Variants in PKHD1L1 observed in about 807,000 individuals in gnomAD.
PKHD1L1 encodes the protein PKHD1 like 1, also known as fibrocystin-L.
In PKHD1L1, 434 loss-of-function variants were observed where a neutral mutation model predicts 462.9. The ratio of observed to expected loss-of-function variants is 0.94; its 90% CI spans 0.87 to 1.02. The LOEUF (loss-of-function observed/expected upper bound fraction) is 1.02. PKHD1L1 is among the 50% of genes least tolerant of loss of function. The pLI is 0.00. For synonymous variants in PKHD1L1, 1,781 were observed against 1,750.0 expected, an observed-to-expected ratio of 1.02 and a Z score of -0.44; for missense variants, 5,202 against 5,096.1, an observed-to-expected ratio of 1.02 and a Z score of -0.63.
intron 37 of PKHD1L1, 41 bp from the exon 38 acceptor site, chr8:109,444,620 A>G (rs768802705): frequency 6.5e-7 from 1 of 1,547,886 alleles, no homozygotes; most frequent in Admixed American, 1.8e-5. Flanking sequence ...TACTGGAGGT[A>G]TGTATTGACT....
intron 2 of PKHD1L1, among the ~76,000 whole-genome samples, chr8:109,378,922 G>T (rs181288607): frequency 6.6e-6 from 1 of 152,072 alleles, no homozygotes; most frequent in Non-Finnish European, 1.5e-5. Context: ...CTTAACTTCC[G>T]CAAGAGAACA....
chr8:109,365,059 A>G (rs1811163704), intron 2 of PKHD1L1, among the ~76,000 whole-genome samples: 1 of 152,222 alleles, frequency 6.6e-6, no homozygotes, highest in African/African-American at 2.4e-5. Context: ...GCAATAGAAA[A>G]CAAAACTTTA....
At position 109,422,771 on chromosome 8, in the gene PKHD1L1, T is replaced by C. The variant is rs537694805; in HGVS notation, c.2697+2081T>C. ...TATAGGGTTGTATGGTAAGAACATG[T>C]ATAGTTTTTAAAGAAACTACCATAT... On this transcript the variant is annotated intron_variant, in intron 23 of 77. Coordinates refer to ENST00000378402, the MANE Select transcript of PKHD1L1 (RefSeq NM_177531.6). 4.8e-4 allele frequency among the ~76,000 whole-genome samples: 73 copies of C among 152,322 alleles called. No individual in the cohort carries two copies. The South Asian group carries it at 6.8e-3, about 14-fold the overall frequency.
intron 24 of PKHD1L1, among the ~76,000 whole-genome samples, chr8:109,425,975 A>G (rs561359698): frequency 1.3e-5 from 2 of 152,144 alleles, no homozygotes; most frequent in Non-Finnish European, 2.9e-5. Context: ...GGTTCACATT[A>G]TTTATCAGTT....
In PKHD1L1 at chr8:109,454,788, T is replaced by G; in HGVS notation, c.6810T>G (p.Ser2270=). 1 of 1,613,822 alleles carries G rather than the reference T, an allele frequency of 6.2e-7. No individual in the cohort carries two copies. Among genetic ancestry groups the G allele is most frequent in the South Asian group, 1.1e-5 (1 of 91,070 alleles). The change falls in exon 45 of 78, where the codon TCT becomes TCG. Residue 2270 remains serine, a synonymous_variant. Coordinates refer to ENST00000378402, the MANE Select transcript of PKHD1L1 (RefSeq NM_177531.6). ...AVITLHGHLR[S]PELPVYGAKT... ...TTACCTTGCATGGTCACCTGCGATC[T>G]CCTGAGCTCCCTGTCTATGGTGCCA...
chr8:109,461,926 TA>T lies in PKHD1L1; in HGVS notation c.7383+21del. On this transcript the variant is annotated intron_variant, in intron 48 of 77. Transcript: ENST00000378402. Reference sequence around the variant, plus strand: ...ATGTAGAGGTGAGAGGCATTATTACTAAATCACAGTGGTTTGCTCAAGGTTA... The same window carrying T: ...ATGTAGAGGTGAGAGGCATTATTACTAATCACAGTGGTTTGCTCAAGGTTA... The T allele has an allele frequency of 1.9e-6, 3 of 1,584,898 alleles. No homozygotes were observed. The highest frequency in any genetic ancestry group is 2.6e-6 in the Non-Finnish European group (3 of 1,164,316).
chr8:109,372,438 C>T (rs1017296215), intron 2 of PKHD1L1, among the ~76,000 whole-genome samples: 3 of 152,114 alleles, frequency 2.0e-5, no homozygotes, highest in Admixed American at 6.6e-5. Context: ...TATACAATCT[C>T]GTCATCTGCA....
intron 21 of PKHD1L1, among the ~76,000 whole-genome samples, chr8:109,418,234 A>G (rs1386909211): frequency 6.6e-6 from 1 of 151,498 alleles, no homozygotes; most frequent in Admixed American, 6.6e-5. Flanking sequence ...GGCCCTAAGT[A>G]CTTTTTTTTT....
chr8:109,456,520 C>T (rs1816835732), intron 46 of PKHD1L1, 129 bp downstream of exon 46: 3 of 857,126 alleles, frequency 3.5e-6, no homozygotes, highest in Non-Finnish European at 4.9e-6. Flanking sequence ...GAAATATGAA[C>T]AGCCAAATAC....
intron 18 of PKHD1L1, among the ~76,000 whole-genome samples, chr8:109,408,609 T>G: frequency 6.6e-6 from 1 of 152,200 alleles, no homozygotes; most frequent in East Asian, 1.9e-4. Context: ...AAATATCCTA[T>G]TATTTTATTG....
intron 20 of PKHD1L1, 98 bp from the exon 21 acceptor site, chr8:109,413,323 G>T (rs10100944): frequency 0.22 from 182,183 of 830,796 alleles, 21,163 homozygotes; most frequent in African/African-American, 0.31. Context: ...TGTAGAAAAT[G>T]CTCAATAAAT....
At chr8:109,481,097 C>CT (rs1818250452) in intron 55 of PKHD1L1, among the ~76,000 whole-genome samples, 2 of 151,794 alleles carry the variant, frequency 1.3e-5, no homozygotes, top group Admixed American at 1.3e-4. Flanking sequence ...AATTGCATAG[C>CT]TTGGGTGTAA....
chr8:109,415,213 G>T (rs924411071), intron 21 of PKHD1L1, among the ~76,000 whole-genome samples: 1 of 151,726 alleles, frequency 6.6e-6, no homozygotes, highest in Non-Finnish European at 1.5e-5. Context: ...TGTTGCCACA[G>T]CTGGTCTTGA....
At chr8:109,383,222 A>C (rs1396917665) in intron 4 of PKHD1L1, among the ~76,000 whole-genome samples, 6 of 95,112 alleles carry the variant, frequency 6.3e-5, no homozygotes, top group South Asian at 2.7e-4. Context: ...ATATAATTAT[A>C]TATTATATAT....
intron 27 of PKHD1L1, among the ~76,000 whole-genome samples, chr8:109,430,935 G>A (rs1381078050): frequency 2.0e-5 from 3 of 149,406 alleles, no homozygotes; most frequent in African/African-American, 7.4e-5. Flanking sequence ...GTATCTTTAT[G>A]TTTATATCCA....
intron 71 of PKHD1L1, among the ~76,000 whole-genome samples, chr8:109,512,046 GT>G (rs954882858): frequency 1.3e-5 from 2 of 151,812 alleles, no homozygotes; most frequent in African/African-American, 4.8e-5. Flanking sequence ...GGGGTTGTTT[GT>G]TTTTTTCTTG....
At chr8:109,528,656 C>T (rs891983310) in intron 77 of PKHD1L1, among the ~76,000 whole-genome samples, 1 of 152,170 alleles carries the variant, frequency 6.6e-6, no homozygotes, top group African/African-American at 2.4e-5. Flanking sequence ...TTTAATTCTC[C>T]TCTCCCTTGG....
At chr8:109,406,768 C>T (rs1000117502) in intron 17 of PKHD1L1, among the ~76,000 whole-genome samples, 1 of 151,866 alleles carries the variant, frequency 6.6e-6, no homozygotes, top group Non-Finnish European at 1.5e-5. Context: ...AAAATTTAGG[C>T]AAATCACTAT....
intron 50 of PKHD1L1, among the ~76,000 whole-genome samples, chr8:109,468,706 C>T (rs563570161): frequency 6.6e-6 from 1 of 152,298 alleles, no homozygotes; most frequent in South Asian, 2.1e-4. Context: ...CCCATTCTGG[C>T]TGGTGGGCCA....
Sources: gnomAD v4.1 joint callset for allele counts (sites outside exome capture counted in the v4.1 genomes callset) on GRCh38, gnomAD v4.1.1 for gene constraint, MANE v1.5 for transcripts, NCBI Gene and HGNC (gene_info 2026-07-23, HGNC 2026-07-21) for gene names.